PVT1: variants seen among roughly 807,000 people sequenced by gnomAD.
PVT1 encodes the protein Pvt1 oncogene.
At chr8:127,831,149 C>CTATATA (rs1481718485) in intron 2 of PVT1, among the ~76,000 whole-genome samples, 4 of 145,632 alleles carry the variant, frequency 2.7e-5, no homozygotes, top group African/African-American at 8.1e-5. Flanking sequence ...ATCTCTCTCT[C>CTATATA]TCTCTCTATA....
chr8:128,000,175 G>A (rs151062287), intron 4 of PVT1, among the ~76,000 whole-genome samples: 285 of 152,314 alleles, frequency 1.9e-3, no homozygotes, highest in Middle Eastern at 3.4e-3. Context: ...AGAACCCCTT[G>A]GTTAGCCCCA....
At chr8:127,803,813 T>A (rs1309100260) in intron 2 of PVT1, among the ~76,000 whole-genome samples, 1 of 150,076 alleles carries the variant, frequency 6.7e-6, no homozygotes, top group African/African-American at 2.5e-5. Context: ...CTCCGCCTCC[T>A]GGGTTCAAGC....
chr8:127,841,170 T>C (rs1443408536), intron 2 of PVT1, among the ~76,000 whole-genome samples: 3 of 152,274 alleles, frequency 2.0e-5, no homozygotes, highest in Non-Finnish European at 4.4e-5. Context: ...TGGCACATAG[T>C]ACCTGTTCAG....
chr8:127,837,444 A>G (rs1188341881), intron 2 of PVT1, among the ~76,000 whole-genome samples: 1 of 151,466 alleles, frequency 6.6e-6, no homozygotes, highest in Non-Finnish European at 1.5e-5. Context: ...CGGAAACCTC[A>G]TAATGGCTTC....
At chr8:128,082,184 A>C (rs1193464010) in intron 5 of PVT1, among the ~76,000 whole-genome samples, 3 of 152,180 alleles carry the variant, frequency 2.0e-5, no homozygotes, top group Non-Finnish European at 4.4e-5. Context: ...TTCATTTTAC[A>C]CTCATAGCTG....
chr8:128,006,103 AAATAATAAT>A (rs201867936), intron 4 of PVT1, among the ~76,000 whole-genome samples: 2,551 of 119,328 alleles, frequency 0.021, 61 homozygotes, highest in African/African-American at 0.069. Context: ...ACCTTGTCTC[AAATAATAAT>A]AATAATAATA....
intron 2 of PVT1, among the ~76,000 whole-genome samples, chr8:127,866,543 AG>A (rs1345675863): frequency 2.6e-5 from 4 of 152,130 alleles, no homozygotes; most frequent in Non-Finnish European, 5.9e-5. Flanking sequence ...CTGGAGGAGT[AG>A]CCCCTATCTA....
chr8:127,900,032 T>C (rs1369398080), intron 3 of PVT1, among the ~76,000 whole-genome samples: 1 of 152,078 alleles, frequency 6.6e-6, no homozygotes, highest in Non-Finnish European at 1.5e-5. Context: ...TTTATTTTGT[T>C]TATTTATTTA....
At chr8:127,925,856 C>T (rs1586439023) in intron 3 of PVT1, among the ~76,000 whole-genome samples, 1 of 152,088 alleles carries the variant, frequency 6.6e-6, no homozygotes, top group South Asian at 2.1e-4. Context: ...GGCCGGGCTG[C>T]TCTCGAACTC....
intron 3 of PVT1, among the ~76,000 whole-genome samples, chr8:127,935,246 G>A (rs560490337): frequency 1.3e-5 from 2 of 152,104 alleles, no homozygotes; most frequent in East Asian, 1.9e-4. Flanking sequence ...GATTACAGGC[G>A]TGAGCCCTGT....
At chr8:128,088,344 A>G (rs1428659423) in intron 5 of PVT1, among the ~76,000 whole-genome samples, 2 of 152,084 alleles carry the variant, frequency 1.3e-5, no homozygotes, top group African/African-American at 2.4e-5. Context: ...CCAGTGAAAG[A>G]CACACTCAGG....
chr8:128,086,522 C>G (rs1053752976), intron 5 of PVT1, among the ~76,000 whole-genome samples: 8 of 152,116 alleles, frequency 5.3e-5, no homozygotes, highest in Admixed American at 2.0e-4. Context: ...GTACTTATAC[C>G]CACAGCACTG....
intron 2 of PVT1, among the ~76,000 whole-genome samples, chr8:127,822,146 A>G (rs1657114479): frequency 1.3e-5 from 2 of 152,130 alleles, no homozygotes; most frequent in South Asian, 4.2e-4. Flanking sequence ...TGCCTAGAAT[A>G]GTGTCTGGCC....
intron 2 of PVT1, among the ~76,000 whole-genome samples, chr8:127,839,489 G>A (rs1248582475): frequency 6.6e-6 from 1 of 150,990 alleles, no homozygotes; most frequent in Admixed American, 6.6e-5. Flanking sequence ...GGTCAAGCCT[G>A]CAGTGAGCCG....
At chr8:128,041,329 CTG>C (rs1476187943) in intron 4 of PVT1, among the ~76,000 whole-genome samples, 11 of 142,880 alleles carry the variant, frequency 7.7e-5, no homozygotes, top group South Asian at 2.3e-4. Context: ...GTGTGTGCAT[CTG>C]TGTTTATGCT....
At chr8:127,875,766 G>GTCTCTTA (rs1815398020) in intron 2 of PVT1, among the ~76,000 whole-genome samples, 1 of 152,200 alleles carries the variant, frequency 6.6e-6, no homozygotes, top group Non-Finnish European at 1.5e-5. Context: ...TGCTTCCAAG[G>GTCTCTTA]GAAGGGTGGG....
intron 4 of PVT1, among the ~76,000 whole-genome samples, chr8:128,037,343 A>G (rs1171619285): frequency 5.9e-5 from 9 of 152,130 alleles, no homozygotes; most frequent in Admixed American, 5.9e-4. Context: ...CAATTCTATA[A>G]TTTATGTGTT....
At chr8:127,835,020 T>A (rs1385332478) in intron 2 of PVT1, among the ~76,000 whole-genome samples, 2 of 152,166 alleles carry the variant, frequency 1.3e-5, no homozygotes, top group Admixed American at 6.6e-5. Context: ...AGTTCAACCA[T>A]TGTGGAAGAC....
intron 4 of PVT1, among the ~76,000 whole-genome samples, chr8:128,040,845 G>C (rs1258731196): frequency 1.3e-5 from 2 of 151,562 alleles, no homozygotes; most frequent in Non-Finnish European, 2.9e-5. Flanking sequence ...ATGTACATTT[G>C]TGCTTGTGTA....
Sources: gnomAD v4.1 joint callset for allele counts (sites outside exome capture counted in the v4.1 genomes callset) on GRCh38, gnomAD v4.1.1 for gene constraint, MANE v1.5 for transcripts, NCBI Gene and HGNC (gene_info 2026-07-23, HGNC 2026-07-21) for gene names.